Variants in FBXL5 observed in about 807,000 individuals in gnomAD.
The protein encoded by FBXL5 is F-box and leucine rich repeat protein 5.
FBXL5 carries 26 observed loss-of-function variants against 78.3 expected under a neutral mutation model. That is an observed-to-expected ratio of 0.33 (90% CI 0.24 to 0.46). FBXL5 has a LOEUF of 0.46. Among genes scored for constraint, FBXL5 ranks in the 20% least tolerant of loss-of-function variants. FBXL5 has a pLI of 1.00. For synonymous variants in FBXL5, 295 were observed against 282.5 expected (o/e 1.04, Z -0.45); for missense variants, 710 against 829.2 (o/e 0.86, Z 1.77).
intron 9 of FBXL5, among the ~76,000 whole-genome samples, chr4:15,618,310 T>C (rs982892991): frequency 8.5e-5 from 13 of 152,208 alleles, no homozygotes; most frequent in African/African-American, 2.9e-4. Context: ...GGTGGGAGGA[T>C]TGCTTATACC....
intron 1 of FBXL5, among the ~76,000 whole-genome samples, chr4:15,648,549 A>C (rs149113528): frequency 2.5e-4 from 38 of 152,358 alleles, no homozygotes; most frequent in Non-Finnish European, 4.6e-4. Context: ...AGTCATAAAA[A>C]AGGAAATCCT....
rs1428635511 is a variant in FBXL5 at position 15,604,515 on chromosome 4, A to T, written c.*1208T>A. ...TAGTGAAAAACTATGAAATACTCCA[A>T]GAATTATCACAATATACGAGACATG... On this transcript the variant is annotated 3_prime_UTR_variant, in exon 11 of 11. Transcript: ENST00000341285. The T allele has an allele frequency of 7.3e-6, 1 of 137,178 alleles. No homozygotes were observed. The highest frequency in any genetic ancestry group is 2.5e-4 in the East Asian group (1 of 4,062). 8.5% of individuals were successfully genotyped at this position (137,178 alleles called of 1,614,324 possible).
At position 15,644,614 on chromosome 4, in the gene FBXL5, A is replaced by G. The variant is rs769090846; in HGVS notation, c.179T>C (p.Ile60Thr). The change falls in exon 2 of 11, where the codon ATT (isoleucine) becomes ACT (threonine). Residue 60 changes from isoleucine to threonine, a missense_variant. By Grantham distance (89) the Ile-to-Thr change is moderately conservative. Around this residue, in one of 4 missense-constraint regions of FBXL5, gnomAD observed 132 missense variants for 156.9 expected, o/e 0.84. Coordinates refer to ENST00000341285, the MANE Select transcript of FBXL5 (RefSeq NM_012161.4). Reference protein sequence around the residue: ...TFKEFKMHEQIENEYIIGLLQ... With the variant: ...TFKEFKMHEQTENEYIIGLLQ... ...CAAACCAATAATGTATTCATTTTCA[A>G]TCTGCTCATGCATTTTGAACTCCTT... is the stretch of plus-strand genomic sequence containing the variant. The G allele has an allele frequency of 1.2e-6, 2 of 1,614,126 alleles. No homozygotes were observed. The highest frequency in any genetic ancestry group is 1.1e-5 in the South Asian group (1 of 91,082).
intron 1 of FBXL5, among the ~76,000 whole-genome samples, chr4:15,666,975 A>C (rs928532633): frequency 3.3e-5 from 5 of 152,328 alleles, no homozygotes; most frequent in African/African-American, 1.2e-4. Flanking sequence ...GTATCTCATA[A>C]ATGTATACAA....
chr4:15,656,786 A>G (rs546295559), upstream of FBXL5, among the ~76,000 whole-genome samples: 74 of 151,530 alleles, frequency 4.9e-4, no homozygotes, highest in African/African-American at 1.7e-3. Flanking sequence ...ATATATTTGA[A>G]GCACTTATAA....
rs772425769 is a variant in FBXL5 at position 15,655,195 on chromosome 4, C to A, written c.84+9G>T. 58 of 1,401,342 alleles carry A rather than the reference C, an allele frequency of 4.1e-5. No individual in the cohort carries two copies. The highest frequency in any genetic ancestry group is 5.3e-5 in the Non-Finnish European group (56 of 1,058,630). 86.8% of individuals were successfully genotyped at this position (1,401,342 alleles called of 1,614,324 possible). A position where few individuals can be genotyped will look rare whatever the true frequency, so the allele number is the denominator to read the frequency against. ...ACCGCCCACAGCGGGAGGCTCAGCG[C>A]TCCGTTACCTTGTCGCAGTAGAGCC... is the stretch of plus-strand genomic sequence containing the variant. On this transcript the variant is annotated intron_variant, in intron 1 of 10. Transcript: ENST00000341285.
intron 1 of FBXL5, among the ~76,000 whole-genome samples, chr4:15,665,043 T>C (rs1717479952): frequency 6.6e-6 from 1 of 152,160 alleles, no homozygotes; most frequent in Non-Finnish European, 1.5e-5. Flanking sequence ...GGAATGTTTT[T>C]CATGTGCTCA....
intron 1 of FBXL5, among the ~76,000 whole-genome samples, chr4:15,669,505 C>T (rs897100040): frequency 3.3e-5 from 5 of 152,048 alleles, no homozygotes; most frequent in Admixed American, 2.6e-4. Context: ...CTACTGCATT[C>T]CAGCCTTGGC....
chr4:15,632,522 G>A (rs11945626), intron 5 of FBXL5, among the ~76,000 whole-genome samples: 43,378 of 152,016 alleles, frequency 0.29, 6,425 homozygotes, highest in East Asian at 0.48. Context: ...TCATTTTCAC[G>A]ATACTGATTC....
At chr4:15,657,655 T>A (rs4235379), upstream of FBXL5, among the ~76,000 whole-genome samples, 4 of 152,178 alleles carry the variant, frequency 2.6e-5, no homozygotes, top group South Asian at 8.3e-4. Context: ...TTAAAAATAA[T>A]CCCTGTGAGT....
chr4:15,638,407 C>T, intron 4 of FBXL5, 101 bp downstream of exon 4: 1 of 747,820 alleles, frequency 1.3e-6, no homozygotes, highest in Non-Finnish European at 2.0e-6. Flanking sequence ...ACAGTGCAGG[C>T]CTAACTTGAA....
chr4:15,671,805 AATCTT>A (rs1340910748), intron 1 of FBXL5, among the ~76,000 whole-genome samples: 9 of 152,096 alleles, frequency 5.9e-5, no homozygotes, highest in African/African-American at 2.2e-4. Flanking sequence ...CAAACTCATG[AATCTT>A]TTCTTCCACA....
intron 2 of FBXL5, among the ~76,000 whole-genome samples, chr4:15,642,243 CTT>C (rs34820897): frequency 9.7e-4 from 137 of 141,744 alleles, no homozygotes; most frequent in African/African-American, 1.4e-3. Flanking sequence ...ATAATGAAAA[CTT>C]TTTTTTTTTT....
upstream of FBXL5, chr4:15,656,211 G>C (rs900287841): frequency 1.3e-5 from 6 of 456,128 alleles, no homozygotes; most frequent in Non-Finnish European, 2.6e-5. Context: ...GGTTCGGAGA[G>C]AAAACAAGGT....
At chr4:15,666,443 G>A (rs1022538330) in intron 1 of FBXL5, among the ~76,000 whole-genome samples, 1 of 151,992 alleles carries the variant, frequency 6.6e-6, no homozygotes, top group African/African-American at 2.4e-5. Context: ...TCACATTTGT[G>A]GAATCTAAAA....
intron 1 of FBXL5, among the ~76,000 whole-genome samples, chr4:15,646,882 ACAGT>A (rs1483358622): frequency 6.6e-6 from 1 of 152,060 alleles, no homozygotes; most frequent in Non-Finnish European, 1.5e-5. Context: ...AAAAGTAAAC[ACAGT>A]CAGCCTCCGT....
chr4:15,645,629 A>G (rs1715276299), intron 1 of FBXL5, among the ~76,000 whole-genome samples: 1 of 152,022 alleles, frequency 6.6e-6, no homozygotes, highest in Non-Finnish European at 1.5e-5. Context: ...GGGTTTCACC[A>G]TCTTGGCCAG....
chr4:15,658,665 T>A (rs113327848), upstream of FBXL5, among the ~76,000 whole-genome samples: 791 of 152,296 alleles, frequency 5.2e-3, 6 homozygotes, highest in African/African-American at 0.018. Context: ...ACCATAGACT[T>A]CTCAGCCCCA....
At chr4:15,614,235 T>A (rs563369527) in intron 9 of FBXL5, among the ~76,000 whole-genome samples, 192 of 152,332 alleles carry the variant, frequency 1.3e-3, no homozygotes, top group Middle Eastern at 6.8e-3. Context: ...GCAGAGCTAC[T>A]GGACTCCAGG....
Sources: allele counts gnomAD v4.1 joint callset (sites outside exome capture counted in the v4.1 genomes callset), GRCh38; gene constraint gnomAD v4.1.1; regional missense constraint gnomAD v4.1.1; transcripts MANE v1.5; gene names NCBI Gene and HGNC (gene_info 2026-07-23, HGNC 2026-07-21).